Variants in PDE1C observed in about 807,000 individuals in gnomAD.
PDE1C encodes dual specificity calcium/calmodulin-dependent 3',5'-cyclic nucleotide phosphodiesterase 1C.
PDE1C carries 62 observed loss-of-function variants against 93.1 expected under a neutral mutation model. The observed-to-expected ratio is 0.67, with a 90% CI of 0.54 to 0.82. The LOEUF is 0.82. PDE1C is among the 40% of genes least tolerant of loss of function. The pLI, the probability that PDE1C is intolerant of heterozygous loss-of-function variation, is 0.00. For missense variants in PDE1C, 742 were observed against 884.6 expected, an observed-to-expected ratio of 0.84 and a Z score of 2.04; for synonymous variants, 325 against 310.1, an observed-to-expected ratio of 1.05 and a Z score of -0.50.
At chr7:32,132,814 T>C (rs375090002) in intron 3 of PDE1C, among the ~76,000 whole-genome samples, 6 of 152,132 alleles carry the variant, frequency 3.9e-5, no homozygotes, top group Admixed American at 2.0e-4. Context: ...TGGACTAGAG[T>C]GGAGAAAAGA....
chr7:31,818,961 T>C (rs1277784110), intron 14 of PDE1C, among the ~76,000 whole-genome samples: 1 of 152,148 alleles, frequency 6.6e-6, no homozygotes, highest in Non-Finnish European at 1.5e-5. Flanking sequence ...ATGGGAAATC[T>C]AGCTAAAAGC....
chr7:31,840,773 G>T (rs115544497), intron 9 of PDE1C, among the ~76,000 whole-genome samples: 1 of 152,020 alleles, frequency 6.6e-6, no homozygotes, highest in Non-Finnish European at 1.5e-5. Context: ...CCATAGTTAC[G>T]TATGTCCATC....
chr7:32,038,034 C>T (rs977849073), intron 2 of PDE1C, among the ~76,000 whole-genome samples: 6 of 152,086 alleles, frequency 3.9e-5, no homozygotes, highest in Non-Finnish European at 7.4e-5. Flanking sequence ...CTCACCTACC[C>T]TTTTTAAATA....
intron 3 of PDE1C, among the ~76,000 whole-genome samples, chr7:32,114,934 GA>G (rs1295420930): frequency 2.0e-5 from 3 of 152,308 alleles, no homozygotes; most frequent in African/African-American, 4.8e-5. Context: ...ATGCCAGTCA[GA>G]ATGCTAATTA....
intron 2 of PDE1C, among the ~76,000 whole-genome samples, chr7:31,938,459 T>G (rs73094517): frequency 0.018 from 2,696 of 152,084 alleles, 40 homozygotes; most frequent in Non-Finnish European, 0.029. Flanking sequence ...CAGACCAAAT[T>G]GTTTAAAGTC....
intron 1 of PDE1C, among the ~76,000 whole-genome samples, chr7:32,371,031 C>T (rs1784323318): frequency 6.6e-6 from 1 of 151,612 alleles, no homozygotes; most frequent in Non-Finnish European, 1.5e-5. Context: ...CTCAAATCTA[C>T]ACCTTCTTGA....
In PDE1C at chr7:31,790,007, C is replaced by T. The variant is rs1019140361; in HGVS notation, c.1892-14275G>A. On this transcript the variant is annotated intron_variant, in intron 16 of 17. Coordinates refer to ENST00000396191, the MANE Select transcript of PDE1C (RefSeq NM_001191057.4). The stretch of plus-strand genomic sequence containing the variant: ...TAAAAATCTCACGTTGTTTGTTTTG[C>T]TCAGGGGAATATCCCCCAGAGTTCT... The T allele has an allele frequency of 1.5e-5, 19 of 1,299,462 alleles. No homozygotes were observed. In the East Asian group the frequency reaches 3.6e-4, roughly 25 times the overall value. 80.5% of individuals were successfully genotyped at this position (1,299,462 alleles called of 1,614,324 possible).
chr7:31,844,057 C>A (rs938558300), intron 9 of PDE1C, among the ~76,000 whole-genome samples: 2 of 151,730 alleles, frequency 1.3e-5, no homozygotes, highest in African/African-American at 2.4e-5. Context: ...TTACACCTCT[C>A]TACATACAAA....
chr7:31,715,853 T>C, the PDE1C span, among the ~76,000 whole-genome samples: 2 of 152,196 alleles, frequency 1.3e-5, no homozygotes, highest in African/African-American at 4.8e-5. Context: ...ATCCCTACTG[T>C]TCCATGAGAC....
intron 5 of PDE1C, among the ~76,000 whole-genome samples, chr7:31,877,450 T>TA (rs1157423361): frequency 1.3e-5 from 2 of 152,064 alleles, no homozygotes; most frequent in Non-Finnish European, 2.9e-5. Flanking sequence ...TCTCAGGCCA[T>TA]ACGTTCATGC....
chr7:31,862,346 C>A (rs1378374864), intron 7 of PDE1C, among the ~76,000 whole-genome samples: 1 of 152,160 alleles, frequency 6.6e-6, no homozygotes, highest in Non-Finnish European at 1.5e-5. Context: ...TATCTTAGTC[C>A]ATTTGGGTAG....
chr7:31,697,440 G>A, the PDE1C span, among the ~76,000 whole-genome samples: 2 of 152,148 alleles, frequency 1.3e-5, no homozygotes, highest in East Asian at 1.9e-4. Flanking sequence ...AGGCTTCCAC[G>A]GATTTTGCGT....
rs550829257 is a variant in PDE1C, at chr7:31,773,743, C to A, written c.1960+1921G>T. ...GGCTGCTCACTCACGCACCACGTAC[C>A]CAGCTTAGAAACATTAATGCATACC... On this transcript the variant is annotated intron_variant, in intron 17 of 17. Coordinates refer to ENST00000396191, the MANE Select transcript of PDE1C (RefSeq NM_001191057.4). Among the ~76,000 whole-genome samples, 6 of 152,174 alleles carry A rather than the reference C, an allele frequency of 3.9e-5. No individual in the cohort carries two copies. In the South Asian group the frequency reaches 6.2e-4, roughly 16 times the overall value.
chr7:32,205,017 A>G (rs181364312), intron 2 of PDE1C, among the ~76,000 whole-genome samples: 2 of 152,360 alleles, frequency 1.3e-5, no homozygotes, highest in African/African-American at 4.8e-5. Flanking sequence ...AGGGAAGAAG[A>G]GAGGGGAGGA....
Position 31,996,440 on chromosome 7 carries a change from A to G in PDE1C, c.128+55114T>C, listed in dbSNP as rs184909805. ...CTTAAAACTGCTTTCATAAGAGGAAACTAGAGAGGCAAAAGGGAAAGTGTC... is the reference window on the plus strand; with the variant it reads ...CTTAAAACTGCTTTCATAAGAGGAAGCTAGAGAGGCAAAAGGGAAAGTGTC... On this transcript the variant is annotated intron_variant, in intron 2 of 17. Transcript: ENST00000396191. 7.2e-5 allele frequency among the ~76,000 whole-genome samples: 11 copies of G among 152,346 alleles called. No individual in the cohort carries two copies. In the East Asian group the frequency reaches 1.9e-3, roughly 27 times the overall value.
intron 11 of PDE1C, among the ~76,000 whole-genome samples, chr7:31,829,984 A>G (rs1327970700): frequency 6.6e-6 from 1 of 152,178 alleles, no homozygotes; most frequent in East Asian, 1.9e-4. Flanking sequence ...AACACTCTCC[A>G]TGACTATTAA....
At chr7:32,358,857 A>G (rs200159024) in intron 1 of PDE1C, among the ~76,000 whole-genome samples, 1 of 25,294 alleles carries the variant, frequency 4.0e-5, no homozygotes, top group Admixed American at 9.3e-4. Context: ...TCCATAGCAT[A>G]CCTCATCATC....
At chr7:32,170,500 C>T (rs771799377) in intron 2 of PDE1C, among the ~76,000 whole-genome samples, 2 of 152,180 alleles carry the variant, frequency 1.3e-5, no homozygotes, top group Non-Finnish European at 1.5e-5. Context: ...CAAGTGGAAG[C>T]GGTGTCTACA....
chr7:31,997,660 A>G (rs1447929561), intron 2 of PDE1C, among the ~76,000 whole-genome samples: 2 of 152,218 alleles, frequency 1.3e-5, no homozygotes, highest in East Asian at 3.8e-4. Context: ...TCTGTTGCTC[A>G]TCAAAGATAA....
Sources: allele counts gnomAD v4.1 joint callset (sites outside exome capture counted in the v4.1 genomes callset), GRCh38; gene constraint gnomAD v4.1.1; transcripts MANE v1.5; gene names NCBI Gene and HGNC (gene_info 2026-07-23, HGNC 2026-07-21).